Variants in LEPROT observed in about 807,000 individuals in gnomAD.
LEPROT encodes leptin receptor overlapping transcript.
Under a neutral mutation model 15.4 loss-of-function variants are expected in LEPROT, and 3 were observed. The ratio of observed to expected loss-of-function variants is 0.19; its 90% CI spans 0.09 to 0.50. The LOEUF is 0.50. LEPROT is among the 20% of genes least tolerant of loss of function. LEPROT has a pLI of 0.97. For missense variants in LEPROT, 137 were observed against 162.2 expected (o/e 0.84, Z 0.84); for synonymous variants, 59 against 57.5 (o/e 1.03, Z -0.12).
chr1:65,429,724 A>T, intron 2 of LEPROT, 138 bp from the exon 3 acceptor site: 1 of 685,460 alleles, frequency 1.5e-6, no homozygotes, highest in Non-Finnish European at 2.2e-6. Context: ...AAATCATCTT[A>T]TGTTCTAATA....
intron 2 of LEPROT, among the ~76,000 whole-genome samples, chr1:65,426,648 A>T (rs1276376107): frequency 6.6e-6 from 1 of 152,188 alleles, no homozygotes; most frequent in Non-Finnish European, 1.5e-5. Flanking sequence ...GGATTCAACA[A>T]GGAGGGAGAG....
chr1:65,425,227 C>A, intron 1 of LEPROT, 76 bp from the exon 2 acceptor site: 1 of 1,260,824 alleles, frequency 7.9e-7, no homozygotes, highest in East Asian at 2.3e-5. Context: ...AGAAGTCACT[C>A]CCCATTTCCC....
rs1468749962 is a variant in LEPROT at position 65,433,206 on chromosome 1, A to C, written c.*1287A>C. The C allele has an allele frequency of 1.0e-6, 1 of 984,552 alleles. No homozygotes were observed. Among genetic ancestry groups the C allele is most frequent in the East Asian group, 1.1e-4 (1 of 8,766 alleles). 61.0% of individuals were successfully genotyped at this position (984,552 alleles called of 1,614,324 possible). A position where few individuals can be genotyped will look rare whatever the true frequency, so the allele number is the denominator to read the frequency against. On this transcript the variant is annotated 3_prime_UTR_variant, in exon 4 of 4. Coordinates refer to ENST00000371065, the MANE Select transcript of LEPROT (RefSeq NM_017526.5). ...TCCTCAACAGTTCTGGTTTGCCCTG[A>C]CTTCTCTACGGCTCTGGCTTCTTCC... is the stretch of plus-strand genomic sequence containing the variant.
Position 65,433,177 on chromosome 1 carries a change from C to G in LEPROT, c.*1258C>G. 1 of 985,470 alleles carries G rather than the reference C, an allele frequency of 1.0e-6. No homozygotes were observed. Among genetic ancestry groups the G allele is most frequent in the Non-Finnish European group, 1.2e-6 (1 of 829,980 alleles). The allele number at this position is 985,470 out of a possible 1,614,324, so 61.0% of individuals were successfully genotyped here. On this transcript the variant is annotated 3_prime_UTR_variant, in exon 4 of 4. Transcript: ENST00000371065. The stretch of plus-strand genomic sequence containing the variant: ...AGCTCCTTCCCTCTGCCCCCCACCC[C>G]TACTCCTCAACAGTTCTGGTTTGCC...
At chr1:65,424,689 T>C (rs1646323173) in intron 1 of LEPROT, among the ~76,000 whole-genome samples, 1 of 152,232 alleles carries the variant, frequency 6.6e-6, no homozygotes, top group African/African-American at 2.4e-5. Context: ...TGTGGTGCAG[T>C]CAGATCTGGT....
At position 65,420,676 on chromosome 1, in the gene LEPROT, C is replaced by T. The variant is rs372078226; in HGVS notation, c.-49C>T. 8,686 of 1,562,418 alleles carry T rather than the reference C, an allele frequency of 5.6e-3. 26 individuals carry two copies. Among genetic ancestry groups the T allele is most frequent in the Non-Finnish European group, 6.7e-3 (7,719 of 1,154,972 alleles). On this transcript the variant is annotated 5_prime_UTR_variant, in exon 1 of 4. Transcript: ENST00000371065. ...CCCGGTCTGGCTTGGGCAGGCTGCCCGGGCCGTGGCAGGAAGCCGGAAGCA... is the reference window on the plus strand; with the variant it reads ...CCCGGTCTGGCTTGGGCAGGCTGCCTGGGCCGTGGCAGGAAGCCGGAAGCA...
intron 3 of LEPROT, among the ~76,000 whole-genome samples, chr1:65,430,625 T>C (rs12065099): frequency 0.13 from 19,838 of 152,214 alleles, 2,445 homozygotes; most frequent in African/African-American, 0.33. Flanking sequence ...TCCCTCCAAT[T>C]ACGTTCTATT....
At chr1:65,424,262 A>G (rs1438640048) in intron 1 of LEPROT, among the ~76,000 whole-genome samples, 1 of 152,248 alleles carries the variant, frequency 6.6e-6, no homozygotes, top group East Asian at 1.9e-4. Context: ...TTTCCTACAA[A>G]GACATGAAAA....
intron 1 of LEPROT, among the ~76,000 whole-genome samples, chr1:65,422,574 G>C (rs1646272043): frequency 6.6e-6 from 1 of 152,244 alleles, no homozygotes; most frequent in Admixed American, 6.5e-5. Context: ...AGAAAGGACT[G>C]TTTTCACAGA....
At chr1:65,430,441 AGTAT>A (rs1646464367) in intron 3 of LEPROT, 1 of 156,334 alleles carries the variant, frequency 6.4e-6, no homozygotes, top group Non-Finnish European at 1.4e-5. Context: ...CTCTCAACTC[AGTAT>A]AATAGGTATA....
Position 65,430,682 on chromosome 1 carries a change from G to A in LEPROT, c.279+634G>A, listed in dbSNP as rs534258350. 6.6e-5 allele frequency among the ~76,000 whole-genome samples: 10 copies of A among 151,752 alleles called. No homozygotes were observed. In the South Asian group the frequency reaches 1.2e-3, roughly 19 times the overall value. ...TTGAGGCATTGAATATCAGATAAGC[G>A]CAAGTCTTGTTCATTCAATAAATAT... is the stretch of plus-strand genomic sequence containing the variant. On this transcript the variant is annotated intron_variant, in intron 3 of 3. Coordinates refer to ENST00000371065, the MANE Select transcript of LEPROT (RefSeq NM_017526.5).
chr1:65,430,207 G>T (rs1646459778), intron 3 of LEPROT, 159 bp downstream of exon 3: 1 of 516,250 alleles, frequency 1.9e-6, no homozygotes, highest in East Asian at 3.1e-5. Flanking sequence ...CCTAACAGTA[G>T]TTCGGCCATG....
chr1:65,433,551 G>A lies in LEPROT; in HGVS notation c.*1632G>A, dbSNP rs1345405053. ...ACTTAATCCTTGAGGCTTGTGATCT[G>A]AGTAATTAGCAGGTATGATGCTGGG... On this transcript the variant is annotated 3_prime_UTR_variant, in exon 4 of 4. Coordinates refer to ENST00000371065, the MANE Select transcript of LEPROT (RefSeq NM_017526.5). The A allele has an allele frequency of 2.0e-6, 2 of 985,310 alleles. No homozygotes were observed. The highest frequency in any genetic ancestry group is 3.5e-5 in the African/African-American group (2 of 57,248). 61.0% of individuals were successfully genotyped at this position (985,310 alleles called of 1,614,324 possible).
chr1:65,434,270 G>A lies in LEPROT; in HGVS notation c.*2351G>A, dbSNP rs1646527818. ...CTATATCTGAATATATAATACAAAA[G>A]TTTGATCATGGTGACACAAATGTTG... is the stretch of plus-strand genomic sequence containing the variant. On this transcript the variant is annotated 3_prime_UTR_variant, in exon 4 of 4. Coordinates refer to ENST00000371065, the MANE Select transcript of LEPROT (RefSeq NM_017526.5). 1 of 982,892 alleles carries A rather than the reference G, an allele frequency of 1.0e-6. No individual in the cohort carries two copies. Among genetic ancestry groups the A allele is most frequent in the Admixed American group, 6.2e-5 (1 of 16,256 alleles). 60.9% of individuals were successfully genotyped at this position (982,892 alleles called of 1,614,324 possible). A position where few individuals can be genotyped will look rare whatever the true frequency, so the allele number is the denominator to read the frequency against.
At chr1:65,423,701 G>A (rs534124955) in intron 1 of LEPROT, among the ~76,000 whole-genome samples, 10 of 152,164 alleles carry the variant, frequency 6.6e-5, no homozygotes, top group Non-Finnish European at 1.5e-4. Flanking sequence ...AAAGCACTTT[G>A]GCACCTTCCT....
chr1:65,426,830 C>G (rs1200494423), intron 2 of LEPROT, among the ~76,000 whole-genome samples: 1 of 152,086 alleles, frequency 6.6e-6, no homozygotes, highest in African/African-American at 2.4e-5. Flanking sequence ...AACCCCATCT[C>G]TACTAAAAAT....
At position 65,420,701 on chromosome 1, in the gene LEPROT, A is replaced by C; in HGVS notation, c.-24A>C. 1 of 1,577,284 alleles carries C rather than the reference A, an allele frequency of 6.3e-7. No individual in the cohort carries two copies. Among genetic ancestry groups the C allele is most frequent in the Non-Finnish European group, 8.6e-7 (1 of 1,163,856 alleles). The stretch of plus-strand genomic sequence containing the variant: ...CGGGCCGTGGCAGGAAGCCGGAAGC[A>C]GCCGCGGCCCCAGTTCGGGAGACAT... On this transcript the variant is annotated 5_prime_UTR_variant, in exon 1 of 4. Transcript: ENST00000371065.
intron 1 of LEPROT, chr1:65,421,500 C>T: frequency 6.5e-7 from 1 of 1,535,076 alleles, no homozygotes; most frequent in Non-Finnish European, 8.7e-7. Context: ...AATAGAGTAG[C>T]ATGACTTGTT....
At chr1:65,426,673 C>A (rs956814058) in intron 2 of LEPROT, among the ~76,000 whole-genome samples, 3 of 152,036 alleles carry the variant, frequency 2.0e-5, no homozygotes, top group African/African-American at 7.2e-5. Context: ...TAGATGTCTC[C>A]CAGGTGATTG....
Sources: allele counts gnomAD v4.1 joint callset (sites outside exome capture counted in the v4.1 genomes callset), GRCh38; gene constraint gnomAD v4.1.1; transcripts MANE v1.5; gene names NCBI Gene and HGNC (gene_info 2026-07-23, HGNC 2026-07-21).